The following ABLIM1 variants were observed in gnomAD, a reference collection of about 807,000 sequenced individuals.
ABLIM1 encodes the protein actin-binding LIM protein 1.
Under a neutral mutation model 107.0 loss-of-function variants are expected in ABLIM1, and 40 were observed. That is an observed-to-expected ratio of 0.37 (90% CI 0.29 to 0.49). ABLIM1 has a LOEUF of 0.49. ABLIM1 is among the 20% of genes least tolerant of loss of function. The pLI, the probability that ABLIM1 is intolerant of heterozygous loss-of-function variation, is 0.97. For synonymous variants in ABLIM1, 357 were observed against 357.3 expected, an observed-to-expected ratio of 1.00 and a Z score of 0.01; for missense variants, 857 against 1,008.5, an observed-to-expected ratio of 0.85 and a Z score of 2.04.
intron 1 of ABLIM1, among the ~76,000 whole-genome samples, chr10:114,630,295 T>A (rs2497675): frequency 0.03 from 4,585 of 151,834 alleles, 235 homozygotes; most frequent in African/African-American, 0.1. Context: ...CAGAGAGGAG[T>A]GCCATGTCAT....
chr10:114,656,347 C>T (rs1349003719), intron 1 of ABLIM1, among the ~76,000 whole-genome samples: 2 of 149,634 alleles, frequency 1.3e-5, no homozygotes, highest in African/African-American at 4.9e-5. Context: ...CCTTAATATG[C>T]TGCTGGTGGG....
At chr10:114,568,585 A>G (rs73361073) in intron 4 of ABLIM1, among the ~76,000 whole-genome samples, 4,355 of 152,268 alleles carry the variant, frequency 0.029, 196 homozygotes, top group African/African-American at 0.1. Context: ...TAGTCTGGGT[A>G]ATTTGCAAGT....
chr10:114,565,897 C>A (rs1300365471), intron 4 of ABLIM1, among the ~76,000 whole-genome samples: 1 of 142,532 alleles, frequency 7.0e-6, no homozygotes, highest in African/African-American at 2.6e-5. Context: ...TGGGTTCACA[C>A]CATCCTCCTG....
At chr10:114,763,512 G>A (rs145692419) in intron 1 of ABLIM1, among the ~76,000 whole-genome samples, 4,695 of 151,600 alleles carry the variant, frequency 0.031, 82 homozygotes, top group Non-Finnish European at 0.045. Flanking sequence ...CTCAGCCCCC[G>A]AGTAGCTGGG....
At chr10:114,537,350 G>A (rs1351433376) in intron 6 of ABLIM1, among the ~76,000 whole-genome samples, 3 of 152,026 alleles carry the variant, frequency 2.0e-5, no homozygotes, top group Non-Finnish European at 4.4e-5. Flanking sequence ...CAGGGTATCT[G>A]GAGTATTTAT....
intron 6 of ABLIM1, 54 bp from the exon 7 acceptor site, chr10:114,491,932 A>G: frequency 7.3e-7 from 1 of 1,371,954 alleles, no homozygotes; most frequent in Non-Finnish European, 1.0e-6. Flanking sequence ...TGGATTCCAG[A>G]ATCTTTTCTG....
intron 1 of ABLIM1, among the ~76,000 whole-genome samples, chr10:114,752,932 G>C (rs1047132513): frequency 5.9e-5 from 9 of 152,138 alleles, no homozygotes; most frequent in Admixed American, 1.3e-4. Flanking sequence ...TTTTAACTGA[G>C]GGTAACAAGT....
chr10:114,684,497 C>T, exon 1 of ABLIM1: 1 of 1,431,888 alleles, frequency 7.0e-7, no homozygotes, highest in Non-Finnish European at 9.2e-7. Flanking sequence ...AGGGGTGTGC[C>T]ACCGGTGGGT....
At chr10:114,497,122 C>T (rs942750598) in intron 6 of ABLIM1, among the ~76,000 whole-genome samples, 3 of 152,210 alleles carry the variant, frequency 2.0e-5, no homozygotes, top group Admixed American at 6.5e-5. Flanking sequence ...GACTAAATAG[C>T]GCTCATATAA....
intron 12 of ABLIM1, among the ~76,000 whole-genome samples, chr10:114,462,503 G>A (rs1391296967): frequency 6.6e-6 from 1 of 152,108 alleles, no homozygotes; most frequent in African/African-American, 2.4e-5. Flanking sequence ...TGCATCATGT[G>A]GGAGTTAGGA....
intron 1 of ABLIM1, among the ~76,000 whole-genome samples, chr10:114,628,102 A>G (rs1314525413): frequency 6.6e-6 from 1 of 152,118 alleles, no homozygotes; most frequent in Non-Finnish European, 1.5e-5. Context: ...AGCCTGGGCA[A>G]CAAGAGTGAA....
At chr10:114,514,670 T>C (rs1332625907) in intron 6 of ABLIM1, among the ~76,000 whole-genome samples, 3 of 152,194 alleles carry the variant, frequency 2.0e-5, no homozygotes, top group Non-Finnish European at 4.4e-5. Context: ...TGGCCACCAC[T>C]CTCAACCTGA....
In ABLIM1 at chr10:114,576,256, G is replaced by A. The variant is rs183713785; in HGVS notation, c.380-657C>T. 2.0e-3 allele frequency among the ~76,000 whole-genome samples: 312 copies of A among 152,316 alleles called. 2 individuals carry two copies. Among genetic ancestry groups the A allele is most frequent in the African/African-American group, 7.2e-3 (300 of 41,572 alleles). On this transcript the variant is annotated intron_variant, in intron 2 of 22. Coordinates refer to ENST00000533213, the MANE Select transcript of ABLIM1 (RefSeq NM_002313.7). Reference sequence around the variant, plus strand: ...TTCCGACTGTGCAGCTGTGGATTAGGGAGATGGTGCAAACAGGCAGTGGGA... The same window carrying A: ...TTCCGACTGTGCAGCTGTGGATTAGAGAGATGGTGCAAACAGGCAGTGGGA...
At chr10:114,790,009 T>C in the ABLIM1 span, among the ~76,000 whole-genome samples, 1 of 152,246 alleles carries the variant, frequency 6.6e-6, no homozygotes, top group Non-Finnish European at 1.5e-5. Context: ...GCCAGGCTGG[T>C]CTAGAACTCC....
intron 6 of ABLIM1, among the ~76,000 whole-genome samples, chr10:114,541,612 C>T (rs1013309149): frequency 4.6e-5 from 7 of 152,334 alleles, no homozygotes; most frequent in Non-Finnish European, 4.4e-5. Context: ...CTAAGGACTA[C>T]GTCTGCTGGG....
chr10:114,443,835 A>G (rs1457623029), intron 17 of ABLIM1, among the ~76,000 whole-genome samples, 194 bp downstream of exon 17: 1 of 152,108 alleles, frequency 6.6e-6, no homozygotes, highest in African/African-American at 2.4e-5. Flanking sequence ...ACCCATTTCC[A>G]GAAGAAAGGA....
chr10:114,454,490 G>T (rs1400911488), intron 12 of ABLIM1, among the ~76,000 whole-genome samples: 1 of 152,100 alleles, frequency 6.6e-6, no homozygotes, highest in Non-Finnish European at 1.5e-5. Flanking sequence ...GGGTGTGGAA[G>T]GGTGCAGACT....
At chr10:114,669,809 C>T (rs1045741510) in intron 1 of ABLIM1, among the ~76,000 whole-genome samples, 1 of 151,442 alleles carries the variant, frequency 6.6e-6, no homozygotes, top group Admixed American at 6.6e-5. Flanking sequence ...TGTGTTGTGG[C>T]GGGAGGGAAG....
At chr10:114,440,587 A>C (rs954594332) in intron 19 of ABLIM1, among the ~76,000 whole-genome samples, 2 of 152,186 alleles carry the variant, frequency 1.3e-5, no homozygotes, top group Admixed American at 6.5e-5. Flanking sequence ...CTGGGACTAC[A>C]GGCATGTGCC....
Sources: gnomAD v4.1 joint callset for allele counts (sites outside exome capture counted in the v4.1 genomes callset) on GRCh38, gnomAD v4.1.1 for gene constraint, MANE v1.5 for transcripts, NCBI Gene and HGNC (gene_info 2026-07-23, HGNC 2026-07-21) for gene names.